KCNQ1: variants seen among roughly 807,000 people sequenced by gnomAD.
KCNQ1 encodes potassium voltage-gated channel subfamily Q member 1, also known as potassium voltage-gated channel subfamily KQT member 1.
KCNQ1 carries 49 observed loss-of-function variants against 72.4 expected under a neutral mutation model. The ratio of observed to expected loss-of-function variants is 0.68; its 90% CI spans 0.54 to 0.86. The LOEUF (loss-of-function observed/expected upper bound fraction) is 0.86. Ranked by LOEUF, KCNQ1 falls within the 40% of genes least tolerant of loss-of-function variation. The pLI, the probability that KCNQ1 is intolerant of heterozygous loss-of-function variation, is 0.00. For synonymous variants in KCNQ1, 450 were observed against 412.6 expected (o/e 1.09, Z -1.10); for missense variants, 790 against 945.1 (o/e 0.84, Z 2.15).
At position 2,582,888 on chromosome 11, in the gene KCNQ1, A is replaced by G. The variant is rs576947914; in HGVS notation, c.922-547A>G. 3.3e-5 allele frequency among the ~76,000 whole-genome samples: 5 copies of G among 152,222 alleles called. No homozygotes were observed. The South Asian group carries it at 1.0e-3, about 32-fold the overall frequency. The stretch of plus-strand genomic sequence containing the variant: ...GGGGAGCCTTCTATTGTCCCACCAC[A>G]CGTCCTGGACGGATGGCTCTCCCAC... On this transcript the variant is annotated intron_variant, in intron 6 of 15. Coordinates refer to ENST00000155840, the MANE Select transcript of KCNQ1 (RefSeq NM_000218.3).
intron 10 of KCNQ1, chr11:2,609,628 T>G (rs1037275380): frequency 7.5e-6 from 3 of 398,302 alleles, no homozygotes; most frequent in Middle Eastern, 1.2e-3. Flanking sequence ...TGTTGAAGTC[T>G]CCAACTACTA....
intron 1 of KCNQ1, among the ~76,000 whole-genome samples, chr11:2,448,647 A>G (rs1846078668): frequency 6.6e-6 from 1 of 152,178 alleles, no homozygotes; most frequent in Non-Finnish European, 1.5e-5. Context: ...GGGCTCTCTG[A>G]GCCATCAGGT....
chr11:2,844,196 G>A lies in KCNQ1; in HGVS notation c.1795-3571G>A, dbSNP rs73421358. 6.4e-3 allele frequency among the ~76,000 whole-genome samples: 972 copies of A among 152,316 alleles called. 10 individuals carry two copies. Among genetic ancestry groups the A allele is most frequent in the African/African-American group, 0.022 (903 of 41,578 alleles). On this transcript the variant is annotated intron_variant, in intron 15 of 15. Transcript: ENST00000155840. ...TCTTCAGGGACACGTGCTGTGACAA[G>A]TGCTTGAGTCAGAGCTAAGACTCTG...
At chr11:2,733,774 CCACACACACACACA>C (rs144399150) in intron 11 of KCNQ1, among the ~76,000 whole-genome samples, 1,291 of 57,494 alleles carry the variant, frequency 0.022, 110 homozygotes, top group African/African-American at 0.08. Context: ...TTCAGGCCTT[CCACACACACACACA>C]CACACACACA....
chr11:2,675,981 C>CT (rs1280691168), intron 11 of KCNQ1: 2 of 398,536 alleles, frequency 5.0e-6, no homozygotes, highest in Non-Finnish European at 8.8e-6. Context: ...AAATAACACT[C>CT]TCCCCACCCA....
rs1361606929 is a variant in KCNQ1, at chr11:2,497,690, G to A, written c.387-30238G>A. 1.3e-5 allele frequency among the ~76,000 whole-genome samples: 2 copies of A among 152,124 alleles called. No individual in the cohort carries two copies. Among genetic ancestry groups the A allele is most frequent in the African/African-American group, 2.4e-5 (1 of 41,422 alleles). On this transcript the variant is annotated intron_variant, in intron 1 of 15. Coordinates refer to ENST00000155840, the MANE Select transcript of KCNQ1 (RefSeq NM_000218.3). The surrounding 1 kb of genome is among the most constrained non-coding windows in gnomAD (Gnocchi z 4.5). ...TGTCAATTCGTCAGTCTCATTCTCC[G>A]TCCAGTTTTGTGCCCTTGCTGGAGA...
chr11:2,741,455 A>C (rs1846049024), intron 11 of KCNQ1, among the ~76,000 whole-genome samples: 1 of 152,120 alleles, frequency 6.6e-6, no homozygotes, highest in Non-Finnish European at 1.5e-5. Context: ...GTACGCACAA[A>C]CGCATGCCCA....
rs1447925049 is a variant in KCNQ1 at position 2,815,351 on chromosome 11, G to A, written c.1795-32416G>A. Reference sequence around the variant, plus strand: ...ACTGGACCTCTGTGCTTTCTGGTGGGGGGCTTGTCAGGGAGCTCATGGGCA... The same window carrying A: ...ACTGGACCTCTGTGCTTTCTGGTGGAGGGCTTGTCAGGGAGCTCATGGGCA... On this transcript the variant is annotated intron_variant, in intron 15 of 15. Coordinates refer to ENST00000155840, the MANE Select transcript of KCNQ1 (RefSeq NM_000218.3). The surrounding 1 kb of genome is among the most constrained non-coding windows in gnomAD (Gnocchi z 5.4). Among the ~76,000 whole-genome samples, 2 of 152,146 alleles carry A rather than the reference G, an allele frequency of 1.3e-5. No homozygotes were observed. The highest frequency in any genetic ancestry group is 2.9e-5 in the Non-Finnish European group (2 of 68,022).
rs1232373625 is a variant in KCNQ1 at position 2,830,551 on chromosome 11, C to CG, written c.1795-17213dup. On this transcript the variant is annotated intron_variant, in intron 15 of 15. Transcript: ENST00000155840. The surrounding 1 kb of genome is among the most constrained non-coding windows in gnomAD (Gnocchi z 7.7). ...CCTCCAGCCCCGGGAGCAGGAAGGG[C>CG]GGGCTGGGAGCTGCAGGATGGGGCC... Among the ~76,000 whole-genome samples, 1 of 152,124 alleles carries CG rather than the reference C, an allele frequency of 6.6e-6. No homozygotes were observed. Among genetic ancestry groups the CG allele is most frequent in the African/African-American group, 2.4e-5 (1 of 41,428 alleles).
chr11:2,820,083 A>G (rs1054135506), intron 15 of KCNQ1, among the ~76,000 whole-genome samples: 1 of 152,094 alleles, frequency 6.6e-6, no homozygotes, highest in Non-Finnish European at 1.5e-5. Context: ...CTATTTTGCT[A>G]ATATCTTCCT....
chr11:2,832,384 C>T (rs1479940815), intron 15 of KCNQ1, among the ~76,000 whole-genome samples: 1 of 152,140 alleles, frequency 6.6e-6, no homozygotes, highest in Non-Finnish European at 1.5e-5. Context: ...GTGCCTGTGT[C>T]CCCTCCTGGG....
Position 2,600,434 on chromosome 11 carries a change from G to C in KCNQ1, c.1393+11580G>C, listed in dbSNP as rs1848785693. Among the ~76,000 whole-genome samples the C allele has an allele frequency of 6.6e-6, 1 of 152,104 alleles. No homozygotes were observed. ...ACCAGTTTACTAATTGTTACATTTTGCCACATTTGCTTTATCATTTGAACC... is the reference window on the plus strand; with the variant it reads ...ACCAGTTTACTAATTGTTACATTTTCCCACATTTGCTTTATCATTTGAACC... On this transcript the variant is annotated intron_variant, in intron 10 of 15. Transcript: ENST00000155840. This position sits in a 1 kb window ranked among gnomAD's most constrained non-coding sequence, Gnocchi z 5.6.
In KCNQ1 at chr11:2,533,875, C is replaced by T. The variant is rs542240016; in HGVS notation, c.477+5857C>T. Among the ~76,000 whole-genome samples, 195 of 152,366 alleles carry T rather than the reference C, an allele frequency of 1.3e-3. No individual in the cohort carries two copies. The Middle Eastern group carries it at 0.017, about 13-fold the overall frequency. ...GCACAACACAAACACGGCTAGTCCG[C>T]GCCTTTGGTGGTGAACATACCAGGG... On this transcript the variant is annotated intron_variant, in intron 2 of 15. Coordinates refer to ENST00000155840, the MANE Select transcript of KCNQ1 (RefSeq NM_000218.3).
rs769361716 is a variant in KCNQ1, at chr11:2,599,996, G to A, written c.1393+11142G>A. ...GTGATGTAGCCAGGTTGTTTTTCTC[G>A]TTTTGTCTGACCTTGAATTCCACAG... On this transcript the variant is annotated intron_variant, in intron 10 of 15. Coordinates refer to ENST00000155840, the MANE Select transcript of KCNQ1 (RefSeq NM_000218.3). The surrounding 1 kb of genome is among the most constrained non-coding windows in gnomAD (Gnocchi z 4.7). 1.3e-5 allele frequency among the ~76,000 whole-genome samples: 2 copies of A among 152,170 alleles called. No homozygotes were observed. Among genetic ancestry groups the A allele is most frequent in the Non-Finnish European group, 2.9e-5 (2 of 68,034 alleles).
intron 1 of KCNQ1, chr11:2,461,533 A>T (rs1554882602): frequency 1.7e-5 from 23 of 1,344,624 alleles, no homozygotes; most frequent in Non-Finnish European, 2.3e-5. Context: ...TCTGGAGTGT[A>T]GGATGGCACT....
chr11:2,654,204 G>A lies in KCNQ1; in HGVS notation c.1394-7757G>A, dbSNP rs769601679. 15 of 398,676 alleles carry A rather than the reference G, an allele frequency of 3.8e-5. No homozygotes were observed. The highest frequency in any genetic ancestry group is 6.6e-5 in the Non-Finnish European group (15 of 226,244). 24.7% of individuals were successfully genotyped at this position (398,676 alleles called of 1,614,324 possible). ...TGGGGCTGCGGCTCAGCAATGTCACGCAGGGCCTGGCTGCAGCTGTCCGGA... is the reference window on the plus strand; with the variant it reads ...TGGGGCTGCGGCTCAGCAATGTCACACAGGGCCTGGCTGCAGCTGTCCGGA... On this transcript the variant is annotated intron_variant, in intron 10 of 15. Coordinates refer to ENST00000155840, the MANE Select transcript of KCNQ1 (RefSeq NM_000218.3). This position sits in a 1 kb window ranked among gnomAD's most constrained non-coding sequence, Gnocchi z 6.4.
Position 2,713,615 on chromosome 11 carries a change from A to C in KCNQ1, c.1514+51534A>C, listed in dbSNP as rs1851041898. ...CCTCGACCCACCCAGCAAGAGAAAA[A>C]AGTGAGCTGACATTATGGGTCGGCC... On this transcript the variant is annotated intron_variant, in intron 11 of 15. Transcript: ENST00000155840. This position sits in a 1 kb window ranked among gnomAD's most constrained non-coding sequence, Gnocchi z 5.6. Among the ~76,000 whole-genome samples the C allele has an allele frequency of 6.6e-6, 1 of 152,092 alleles. No individual in the cohort carries two copies. Among genetic ancestry groups the C allele is most frequent in the Non-Finnish European group, 1.5e-5 (1 of 68,008 alleles).
At chr11:2,573,331 C>A (rs1308723805) in intron 6 of KCNQ1, among the ~76,000 whole-genome samples, 1 of 152,156 alleles carries the variant, frequency 6.6e-6, no homozygotes. Flanking sequence ...TTGCCCATTC[C>A]CTGCCTCCAC....
At position 2,673,805 on chromosome 11, in the gene KCNQ1, C is replaced by T. The variant is rs973291619; in HGVS notation, c.1514+11724C>T. 7.5e-6 allele frequency: 3 copies of T among 398,604 alleles called. No homozygotes were observed. Among genetic ancestry groups the T allele is most frequent in the Admixed American group, 8.8e-5 (2 of 22,722 alleles). 24.7% of individuals were successfully genotyped at this position (398,604 alleles called of 1,614,324 possible). ...TCTGGTGCAAAGGGCAGTGATGGCC[C>T]TTCAATCCCAGGCCCACAAGCACCA... On this transcript the variant is annotated intron_variant, in intron 11 of 15. Coordinates refer to ENST00000155840, the MANE Select transcript of KCNQ1 (RefSeq NM_000218.3). The surrounding 1 kb of genome is among the most constrained non-coding windows in gnomAD (Gnocchi z 4.5).
Sources: allele counts gnomAD v4.1 joint callset (sites outside exome capture counted in the v4.1 genomes callset), GRCh38; gene constraint gnomAD v4.1.1; non-coding constraint Gnocchi (gnomAD v3.1); transcripts MANE v1.5; gene names NCBI Gene and HGNC (gene_info 2026-07-23, HGNC 2026-07-21).